PIK3C2G: variants seen among roughly 807,000 people sequenced by gnomAD.
PIK3C2G encodes the protein phosphatidylinositol 3-kinase C2 domain-containing subunit gamma.
PIK3C2G carries 168 observed loss-of-function variants against 181.1 expected under a neutral mutation model. The observed-to-expected ratio is 0.93, with a 90% confidence interval of 0.82 to 1.05. The LOEUF (loss-of-function observed/expected upper bound fraction) is 1.05. PIK3C2G is among the 50% of genes least tolerant of loss of function. The pLI is 0.00. For synonymous variants in PIK3C2G, 573 were observed against 592.2 expected (o/e 0.97, Z 0.47); for missense variants, 1,869 against 1,732.8 (o/e 1.08, Z -1.40).
At chr12:18,558,835 A>C (rs1338291857) in intron 26 of PIK3C2G, among the ~76,000 whole-genome samples, 2 of 152,168 alleles carry the variant, frequency 1.3e-5, no homozygotes, top group African/African-American at 4.8e-5. Flanking sequence ...TTCTTTTATA[A>C]TACATATTAC....
chr12:18,684,138 A>G, the PIK3C2G span: 6 of 1,611,556 alleles, frequency 3.7e-6, no homozygotes, highest in East Asian at 1.3e-4. Context: ...ACCTTTGTTC[A>G]TGCATAGAAG....
the PIK3C2G span, among the ~76,000 whole-genome samples, chr12:18,710,637 T>G: frequency 6.6e-6 from 1 of 152,046 alleles, no homozygotes; most frequent in East Asian, 1.9e-4. Flanking sequence ...AAGAGGGCAG[T>G]GGGATCATTT....
At position 18,613,155 on chromosome 12, in the gene PIK3C2G, T is replaced by C. The variant is rs142551608; in HGVS notation, c.4182+3526T>C. 3.3e-3 allele frequency among the ~76,000 whole-genome samples: 497 copies of C among 152,272 alleles called. 2 individuals are homozygous for C. The highest frequency in any genetic ancestry group is 0.012 in the African/African-American group (479 of 41,562). ...CATTGATGTCTACAATGTCTCTCCA[T>C]GCATTTTATGCTGACTTCATGGATT... On this transcript the variant is annotated intron_variant, in intron 31 of 32. Transcript: ENST00000538779.
At chr12:18,284,441 T>A (rs530244347) in intron 2 of PIK3C2G, among the ~76,000 whole-genome samples, 27 of 152,212 alleles carry the variant, frequency 1.8e-4, no homozygotes, top group Non-Finnish European at 1.0e-4. Context: ...TAGTGTGCCA[T>A]CTACAAAATT....
intron 8 of PIK3C2G, among the ~76,000 whole-genome samples, chr12:18,325,535 C>T (rs536746926): frequency 1.1e-4 from 16 of 151,784 alleles, no homozygotes; most frequent in African/African-American, 2.7e-4. Context: ...GGTGAAACCC[C>T]GTCTCTACTA....
downstream of PIK3C2G, among the ~76,000 whole-genome samples, chr12:18,651,278 T>A (rs145667248): frequency 2.0e-3 from 301 of 152,112 alleles, 1 homozygote; most frequent in African/African-American, 6.8e-3. Flanking sequence ...CTCTCTCAAA[T>A]CCTGCTCAGA....
chr12:18,699,998 A>G, the PIK3C2G span: 23 of 1,535,272 alleles, frequency 1.5e-5, no homozygotes, highest in Non-Finnish European at 1.9e-5. Flanking sequence ...AATCATTGGG[A>G]AAAAAAATTT....
intron 16 of PIK3C2G, among the ~76,000 whole-genome samples, chr12:18,418,791 C>T (rs935962828): frequency 3.9e-5 from 6 of 152,100 alleles, no homozygotes; most frequent in African/African-American, 1.4e-4. Context: ...TGAGCCTGCC[C>T]TCAATGATGT....
upstream of PIK3C2G, among the ~76,000 whole-genome samples, chr12:18,246,147 A>G (rs537258177): frequency 6.6e-6 from 1 of 152,242 alleles, no homozygotes; most frequent in East Asian, 1.9e-4. Context: ...TCTTTTGCAA[A>G]ATCAAACCAC....
At chr12:18,480,994 G>A (rs932423353) in intron 18 of PIK3C2G, among the ~76,000 whole-genome samples, 1 of 151,902 alleles carries the variant, frequency 6.6e-6, no homozygotes, top group Non-Finnish European at 1.5e-5. Flanking sequence ...GTGCAGTGGC[G>A]CAATCTCGGC....
chr12:18,460,623 CATATATATATATATATATAT>C (rs144060852), intron 18 of PIK3C2G, among the ~76,000 whole-genome samples: 9 of 136,136 alleles, frequency 6.6e-5, no homozygotes, highest in African/African-American at 1.6e-4. Flanking sequence ...ACATCATATT[CATATATATATATATATATAT>C]ATATAGCACT....
At chr12:18,641,361 T>C (rs558339801) in intron 32 of PIK3C2G, among the ~76,000 whole-genome samples, 3 of 152,244 alleles carry the variant, frequency 2.0e-5, no homozygotes, top group Non-Finnish European at 4.4e-5. Flanking sequence ...GGGGCATCAA[T>C]AGACTCCTAA....
intron 3 of PIK3C2G, among the ~76,000 whole-genome samples, chr12:18,288,398 A>G (rs1949546431): frequency 6.6e-6 from 1 of 152,232 alleles, no homozygotes; most frequent in South Asian, 2.1e-4. Flanking sequence ...AAAATAAACA[A>G]GTAAACAAAA....
chr12:18,324,100 G>C (rs1461901281), intron 7 of PIK3C2G, among the ~76,000 whole-genome samples: 1 of 151,970 alleles, frequency 6.6e-6, no homozygotes, highest in African/African-American at 2.4e-5. Flanking sequence ...GGCGCCTGTA[G>C]TCCCAGCTAC....
chr12:18,322,769 T>C (rs1591950883), intron 7 of PIK3C2G, among the ~76,000 whole-genome samples: 2 of 152,176 alleles, frequency 1.3e-5, no homozygotes, highest in African/African-American at 4.8e-5. Flanking sequence ...CATAAAATCA[T>C]AGAATGGCTA....
In PIK3C2G at chr12:18,503,406, G is replaced by A. The variant is rs1225421850; in HGVS notation, c.3142G>A (p.Asp1048Asn). ...CAGTCAGCACAACCACTTAAAGGCAGATTATGAAAAGGTTTGTCCTGTTGC... is the reference window on the plus strand; with the variant it reads ...CAGTCAGCACAACCACTTAAAGGCAAATTATGAAAAGGTTTGTCCTGTTGC... Reference protein sequence around the residue: ...WFSQHNHLKADYEKALRNFFY... With the variant: ...WFSQHNHLKANYEKALRNFFY... The change falls in exon 23 of 33, where the codon GAT becomes AAT. Residue 1048 changes from aspartate (D) to asparagine (N), a missense_variant. Physicochemically the swap from Asp to Asn is conservative, Grantham distance 23 (BLOSUM62 1). Coordinates refer to ENST00000538779, the MANE Select transcript of PIK3C2G (RefSeq NM_001288772.2). The A allele has an allele frequency of 1.2e-6, 2 of 1,603,102 alleles. No homozygotes were observed. Among genetic ancestry groups the A allele is most frequent in the East Asian group, 2.2e-5 (1 of 44,658 alleles).
At chr12:18,582,740 T>G (rs1185704099) in intron 29 of PIK3C2G, among the ~76,000 whole-genome samples, 1 of 152,082 alleles carries the variant, frequency 6.6e-6, no homozygotes, top group Non-Finnish European at 1.5e-5. Flanking sequence ...CTGCCATCTT[T>G]GCTGTTTTGC....
At chr12:18,605,301 C>A (rs1052613498) in intron 30 of PIK3C2G, among the ~76,000 whole-genome samples, 1 of 152,024 alleles carries the variant, frequency 6.6e-6, no homozygotes, top group African/African-American at 2.4e-5. Context: ...TGGATGAATT[C>A]CTGGAAAAAT....
chr12:18,444,306 C>A (rs1946905969), intron 18 of PIK3C2G, among the ~76,000 whole-genome samples: 1 of 152,134 alleles, frequency 6.6e-6, no homozygotes, highest in South Asian at 2.1e-4. Context: ...TTGAGAATTT[C>A]CAACTCTGCT....
Sources: gnomAD v4.1 joint callset for allele counts (sites outside exome capture counted in the v4.1 genomes callset) on GRCh38, gnomAD v4.1.1 for gene constraint, MANE v1.5 for transcripts, NCBI Gene and HGNC (gene_info 2026-07-23, HGNC 2026-07-21) for gene names.